PLA2R1: variants seen among roughly 807,000 people sequenced by gnomAD.
PLA2R1 encodes the protein phospholipase A2 receptor 1.
PLA2R1 carries 158 observed loss-of-function variants against 195.9 expected under a neutral mutation model. The ratio of observed to expected loss-of-function variants is 0.81; its 90% CI spans 0.71 to 0.92. PLA2R1 has a LOEUF of 0.92. Ranked by LOEUF, PLA2R1 falls within the 40% of genes least tolerant of loss-of-function variation. The pLI is 0.00. For missense variants in PLA2R1, 1,626 were observed against 1,764.6 expected (o/e 0.92, Z 1.41); for synonymous variants, 586 against 598.2 (o/e 0.98, Z 0.30).
At chr2:159,930,156 C>T (rs564943092), downstream of PLA2R1, among the ~76,000 whole-genome samples, 94 of 152,244 alleles carry the variant, frequency 6.2e-4, no homozygotes, top group Non-Finnish European at 1.1e-3. Flanking sequence ...CGCCGGTAAT[C>T]CCAGCACTTT....
intron 3 of PLA2R1, among the ~76,000 whole-genome samples, chr2:160,041,612 C>G (rs1047626730): frequency 6.7e-6 from 1 of 149,674 alleles, no homozygotes; most frequent in Non-Finnish European, 1.5e-5. Context: ...ATGGGCGAGA[C>G]AAGCAGCAGC....
intron 18 of PLA2R1, 95 bp downstream of exon 18, chr2:159,970,053 G>T: frequency 1.3e-6 from 1 of 756,098 alleles, no homozygotes; most frequent in East Asian, 2.6e-5. Flanking sequence ...ATGTTTGAAG[G>T]GTATTCAACA....
Position 159,955,245 on chromosome 2 carries a change from T to C in PLA2R1, c.3255A>G (p.Glu1085=). ...ACCCATAGCCTTCCTTTCCACAGTC[T>C]TCAAAATACCATTTTCCAGTGAAAT... ...NFHFTGKWYF[E]DCGKEGYGFV... Residue 1085 remains glutamate, a synonymous_variant, in exon 23 of 30, where the codon GAA becomes GAG. Transcript: ENST00000283243. The C allele has an allele frequency of 6.2e-7, 1 of 1,612,040 alleles. No individual in the cohort carries two copies. The highest frequency in any genetic ancestry group is 1.1e-5 in the South Asian group (1 of 90,900).
chr2:160,042,750 C>T (rs963179553), intron 2 of PLA2R1, among the ~76,000 whole-genome samples: 7 of 150,006 alleles, frequency 4.7e-5, no homozygotes, highest in Non-Finnish European at 7.4e-5. Flanking sequence ...GGTAGCGGTG[C>T]CATGATGAAA....
intron 3 of PLA2R1, among the ~76,000 whole-genome samples, chr2:160,039,726 T>C (rs1015121907): frequency 5.9e-5 from 9 of 151,866 alleles, no homozygotes; most frequent in African/African-American, 2.2e-4. Context: ...ACTGAACAAA[T>C]AAACATGCTC....
intron 18 of PLA2R1, among the ~76,000 whole-genome samples, chr2:159,969,701 C>T (rs1297161015): frequency 6.6e-6 from 1 of 152,072 alleles, no homozygotes; most frequent in African/African-American, 2.4e-5. Flanking sequence ...CACCACCACG[C>T]CCAGCTAATT....
chr2:159,980,052 A>C (rs1408846700), intron 13 of PLA2R1, 138 bp from the exon 14 acceptor site: 1 of 397,372 alleles, frequency 2.5e-6, no homozygotes, highest in African/African-American at 2.1e-5. Flanking sequence ...CCTAAAACTT[A>C]AAGTATAATA....
chr2:160,046,688 G>A (rs767733916), intron 1 of PLA2R1, among the ~76,000 whole-genome samples: 4 of 152,026 alleles, frequency 2.6e-5, no homozygotes, highest in Non-Finnish European at 5.9e-5. Flanking sequence ...AGTTGTCAGA[G>A]AATTGCTTTG....
chr2:160,053,435 T>A (rs942508587), intron 1 of PLA2R1, among the ~76,000 whole-genome samples: 1 of 151,756 alleles, frequency 6.6e-6, no homozygotes, highest in Non-Finnish European at 1.5e-5. Flanking sequence ...CAGGGTGCAA[T>A]GAAAATACGT....
chr2:160,062,248 C>G lies in PLA2R1; in HGVS notation c.109+47G>C, dbSNP rs979890555. 4.0e-6 allele frequency: 5 copies of G among 1,262,160 alleles called. No homozygotes were observed. In the Admixed American group the frequency reaches 1.7e-4, roughly 43 times the overall value. The allele number at this position is 1,262,160 out of a possible 1,614,324, so 78.2% of individuals were successfully genotyped here. On this transcript the variant is annotated intron_variant, in intron 1 of 29. Transcript: ENST00000283243. ...CTTCCTCTCCTTCGACCACCCCGAC[C>G]CCCCTCCCCAACGTACCGATCCAGT...
intron 1 of PLA2R1, among the ~76,000 whole-genome samples, chr2:160,046,782 T>C (rs1041275817): frequency 6.6e-6 from 1 of 152,074 alleles, no homozygotes; most frequent in African/African-American, 2.4e-5. Context: ...ATCAGGAAAT[T>C]TGTTTTCCTA....
chr2:160,007,427 C>G (rs1364829820), intron 10 of PLA2R1, among the ~76,000 whole-genome samples: 1 of 152,192 alleles, frequency 6.6e-6, no homozygotes, highest in Non-Finnish European at 1.5e-5. Context: ...CCTGGCTTGC[C>G]ACACCCCCAT....
At chr2:159,930,246 A>C (rs535630810), downstream of PLA2R1, among the ~76,000 whole-genome samples, 157 of 152,290 alleles carry the variant, frequency 1.0e-3, no homozygotes, top group African/African-American at 3.7e-3. Context: ...GTCTCTACTA[A>C]AAATACAAAA....
chr2:160,003,524 T>C (rs1691749877), intron 11 of PLA2R1, among the ~76,000 whole-genome samples: 1 of 151,718 alleles, frequency 6.6e-6, no homozygotes, highest in African/African-American at 2.4e-5. Context: ...CAAAACAAAA[T>C]GTATAGAACA....
At chr2:159,992,977 G>T (rs1183075554) in intron 11 of PLA2R1, among the ~76,000 whole-genome samples, 1 of 152,092 alleles carries the variant, frequency 6.6e-6, no homozygotes, top group African/African-American at 2.4e-5. Flanking sequence ...AGGAGTGATT[G>T]AAAGTGTTTA....
chr2:160,027,004 G>T (rs1693564451), intron 6 of PLA2R1, among the ~76,000 whole-genome samples: 1 of 152,160 alleles, frequency 6.6e-6, no homozygotes, highest in African/African-American at 2.4e-5. Context: ...GTGGTGGCAG[G>T]TGCCTGTAAT....
intron 20 of PLA2R1, among the ~76,000 whole-genome samples, chr2:159,956,840 CA>C (rs1252176963): frequency 6.6e-6 from 1 of 152,068 alleles, no homozygotes; most frequent in Non-Finnish European, 1.5e-5. Flanking sequence ...GCATTTGCAG[CA>C]GGCAGGAACA....
chr2:160,044,347 T>C (rs977080386), intron 2 of PLA2R1, among the ~76,000 whole-genome samples: 4 of 152,178 alleles, frequency 2.6e-5, no homozygotes, highest in Non-Finnish European at 5.9e-5. Flanking sequence ...CCTGGACACA[T>C]ACCTCCATAG....
intron 23 of PLA2R1, among the ~76,000 whole-genome samples, chr2:159,952,748 G>A (rs1473580185): frequency 6.6e-6 from 1 of 152,220 alleles, no homozygotes; most frequent in Non-Finnish European, 1.5e-5. Flanking sequence ...ATTGTATGGA[G>A]ACACAGAAAG....
Sources: gnomAD v4.1 joint callset for allele counts (sites outside exome capture counted in the v4.1 genomes callset) on GRCh38, gnomAD v4.1.1 for gene constraint, MANE v1.5 for transcripts, NCBI Gene and HGNC (gene_info 2026-07-23, HGNC 2026-07-21) for gene names.